THADA: variants seen among roughly 807,000 people sequenced by gnomAD.
The protein encoded by THADA is THADA armadillo repeat containing.
A neutral mutation model predicts 219.8 loss-of-function variants in THADA; 213 were observed. That is an observed-to-expected ratio of 0.97 (90% CI 0.87 to 1.09). THADA has a LOEUF of 1.09. Among genes scored for constraint, THADA ranks in the 50% least tolerant of loss-of-function variants. The pLI is 0.00. For missense variants in THADA, 2,956 were observed against 2,311.3 expected, an observed-to-expected ratio of 1.28 and a Z score of -5.72; for synonymous variants, 1,018 against 828.9, an observed-to-expected ratio of 1.23 and a Z score of -3.92.
chr2:43,317,303 G>A (rs148818227), intron 31 of THADA, among the ~76,000 whole-genome samples: 4 of 152,258 alleles, frequency 2.6e-5, no homozygotes, highest in East Asian at 1.9e-4. Context: ...AATAAAATCT[G>A]TATTTTGATA....
In THADA at chr2:43,528,001, A is replaced by G. The variant is rs984994328; in HGVS notation, c.3265-13T>C. Reference sequence around the variant, plus strand: ...CTATTTCTTTTACCTTTAAAAAAAAAGCAAAAACAAATGTCCGATTTATGT... The same window carrying G: ...CTATTTCTTTTACCTTTAAAAAAAAGGCAAAAACAAATGTCCGATTTATGT... On this transcript the variant is annotated splice_polypyrimidine_tract_variant and intron_variant, in intron 21 of 37. Coordinates refer to ENST00000405975, the MANE Select transcript of THADA (RefSeq NM_022065.5). The G allele has an allele frequency of 1.3e-5, 20 of 1,589,442 alleles. No homozygotes were observed. The highest frequency in any genetic ancestry group is 1.7e-5 in the Admixed American group (1 of 59,064).
At chr2:43,585,050 C>G (rs1255962999) in intron 7 of THADA, among the ~76,000 whole-genome samples, 1 of 152,126 alleles carries the variant, frequency 6.6e-6, no homozygotes, top group African/African-American at 2.4e-5. Flanking sequence ...CGTGGCAAAT[C>G]CAGTACCTAA....
Position 43,231,151 on chromosome 2 carries a change from T to C in THADA, c.5659A>G (p.Arg1887Gly). Residue 1887 changes from arginine (R) to glycine (G), a missense_variant, in exon 38 of 38, where the codon AGA (arginine) becomes GGA (glycine). Coordinates refer to ENST00000405975, the MANE Select transcript of THADA (RefSeq NM_022065.5). ...AACTCAGCAGCTGGTGGAAGCTCTCTGAAGAACTGAGACAGGAGGTGGCAC... is the reference window on the plus strand; with the variant it reads ...AACTCAGCAGCTGGTGGAAGCTCTCCGAAGAACTGAGACAGGAGGTGGCAC... ...EQCHLLSQFF[R>G]ELPPAAEFVK... is the part of the protein sequence containing the mutation. 6.2e-7 allele frequency: 1 copy of C among 1,613,918 alleles called. No homozygotes were observed. The highest frequency in any genetic ancestry group is 2.2e-5 in the East Asian group (1 of 44,880).
intron 26 of THADA, among the ~76,000 whole-genome samples, chr2:43,456,455 C>A (rs1275604284): frequency 2.0e-5 from 3 of 152,094 alleles, no homozygotes; most frequent in Non-Finnish European, 4.4e-5. Context: ...AGAGAAAGAG[C>A]AAAGGTCTAG....
intron 26 of THADA, among the ~76,000 whole-genome samples, chr2:43,481,694 T>C (rs1321148985): frequency 6.6e-6 from 1 of 152,206 alleles, no homozygotes; most frequent in East Asian, 1.9e-4. Flanking sequence ...TTGAGTAAGA[T>C]CCAAGTTTTA....
chr2:43,584,383 C>G (rs1700790587), intron 7 of THADA, among the ~76,000 whole-genome samples: 1 of 151,950 alleles, frequency 6.6e-6, no homozygotes, highest in Non-Finnish European at 1.5e-5. Context: ...CCAAAGTGGA[C>G]ATTATTAAGC....
chr2:43,339,003 A>G (rs1404825271), intron 30 of THADA, among the ~76,000 whole-genome samples: 1 of 152,228 alleles, frequency 6.6e-6, no homozygotes, highest in Non-Finnish European at 1.5e-5. Context: ...CGAGTGAAAA[A>G]AGGAAGGAAG....
At chr2:43,441,933 A>G (rs1348009319) in intron 26 of THADA, among the ~76,000 whole-genome samples, 1 of 152,216 alleles carries the variant, frequency 6.6e-6, no homozygotes, top group African/African-American at 2.4e-5. Context: ...GTTGGGCGCA[A>G]TCCTATGGGA....
At chr2:43,268,612 T>G (rs1452904147) in intron 36 of THADA, among the ~76,000 whole-genome samples, 1 of 152,232 alleles carries the variant, frequency 6.6e-6, no homozygotes, top group Non-Finnish European at 1.5e-5. Context: ...GGATGAGGGC[T>G]TCCCAGGTCT....
chr2:43,552,191 TG>T lies in THADA; in HGVS notation c.2810+12del. ...GGATTTCTGAGACAGGAGGCAGCTG[TG>T]GAAATCCTTACTTTAGAGATAACTT... is the stretch of plus-strand genomic sequence containing the variant. On this transcript the variant is annotated intron_variant, in intron 18 of 37. Coordinates refer to ENST00000405975, the MANE Select transcript of THADA (RefSeq NM_022065.5). 1 of 1,602,038 alleles carries T rather than the reference TG, an allele frequency of 6.2e-7. No individual in the cohort carries two copies. Among genetic ancestry groups the T allele is most frequent in the African/African-American group, 1.3e-5 (1 of 74,788 alleles).
intron 22 of THADA, among the ~76,000 whole-genome samples, chr2:43,520,286 A>T (rs114579650): frequency 6.6e-6 from 1 of 152,366 alleles, no homozygotes; most frequent in African/African-American, 2.4e-5. Context: ...TCGAATTAAT[A>T]CAAAATATAC....
chr2:43,240,807 G>A (rs1668539411), intron 36 of THADA, among the ~76,000 whole-genome samples: 1 of 152,184 alleles, frequency 6.6e-6, no homozygotes, highest in African/African-American at 2.4e-5. Context: ...AGGTGTTTGT[G>A]GTTAACAGTC....
At chr2:43,395,514 T>C (rs1207069524) in intron 29 of THADA, among the ~76,000 whole-genome samples, 1 of 149,882 alleles carries the variant, frequency 6.7e-6, no homozygotes, top group Non-Finnish European at 1.5e-5. Flanking sequence ...CCATAATGTA[T>C]GTAACACAGA....
intron 26 of THADA, among the ~76,000 whole-genome samples, chr2:43,477,572 C>T (rs530668168): frequency 2.2e-3 from 337 of 152,322 alleles, no homozygotes; most frequent in Non-Finnish European, 3.9e-3. Flanking sequence ...CCATGCCCAC[C>T]AGCCAGTGGT....
At chr2:43,340,497 G>C (rs1666952695) in intron 30 of THADA, among the ~76,000 whole-genome samples, 1 of 152,116 alleles carries the variant, frequency 6.6e-6, no homozygotes, top group African/African-American at 2.4e-5. Flanking sequence ...AACTTTCTTT[G>C]AGAACAAAAG....
intron 26 of THADA, among the ~76,000 whole-genome samples, chr2:43,480,370 C>T (rs1686044776): frequency 1.3e-5 from 2 of 152,210 alleles, no homozygotes; most frequent in African/African-American, 4.8e-5. Flanking sequence ...CCACAGATAA[C>T]TGCCATATTC....
chr2:43,419,626 C>T (rs1240355785), intron 28 of THADA, among the ~76,000 whole-genome samples: 1 of 152,170 alleles, frequency 6.6e-6, no homozygotes, highest in South Asian at 2.1e-4. Context: ...AAAATGTTCT[C>T]TACTGTGTAG....
At chr2:43,582,119 G>C (rs1444733255) in intron 7 of THADA, among the ~76,000 whole-genome samples, 191 bp from the exon 8 acceptor site, 1 of 152,132 alleles carries the variant, frequency 6.6e-6, no homozygotes, top group African/African-American at 2.4e-5. Context: ...TTTCAACACT[G>C]TTAACTTAAT....
intron 26 of THADA, among the ~76,000 whole-genome samples, chr2:43,459,588 T>C (rs1683395740): frequency 6.6e-6 from 1 of 152,220 alleles, no homozygotes; most frequent in African/African-American, 2.4e-5. Context: ...ATCCAGTGAT[T>C]ACTCATCCCT....
Sources: allele counts gnomAD v4.1 joint callset (sites outside exome capture counted in the v4.1 genomes callset), GRCh38; gene constraint gnomAD v4.1.1; transcripts MANE v1.5; gene names NCBI Gene and HGNC (gene_info 2026-07-23, HGNC 2026-07-21).